The following ZNF385D variants were observed in gnomAD, a reference collection of about 807,000 sequenced individuals.
ZNF385D encodes zinc finger protein 659.
In ZNF385D, 15 loss-of-function variants were observed where a neutral mutation model predicts 35.8. That is an observed-to-expected ratio of 0.42 (90% CI 0.28 to 0.64). The LOEUF (loss-of-function observed/expected upper bound fraction) is 0.64, where lower values mean the gene tolerates loss of function less well. ZNF385D is among the 30% of genes least tolerant of loss of function. The pLI is 0.23. For synonymous variants in ZNF385D, 212 were observed against 186.8 expected, an observed-to-expected ratio of 1.13 and a Z score of -1.10; for missense variants, 474 against 494.6, an observed-to-expected ratio of 0.96 and a Z score of 0.39.
At chr3:22,183,603 G>A (rs925678140) in intron 2 of ZNF385D, among the ~76,000 whole-genome samples, 2 of 151,944 alleles carry the variant, frequency 1.3e-5, no homozygotes, top group Non-Finnish European at 2.9e-5. Flanking sequence ...TGATTCACCC[G>A]CCTCGGCCTC....
intron 3 of ZNF385D, among the ~76,000 whole-genome samples, chr3:21,854,148 A>G (rs1390140064): frequency 2.0e-5 from 3 of 151,912 alleles, no homozygotes; most frequent in Non-Finnish European, 2.9e-5. Flanking sequence ...TAGCATGCAC[A>G]AAAGGGCAGT....
At position 22,028,506 on chromosome 3, in the gene ZNF385D, A is replaced by G. The variant is rs574033858; in HGVS notation, c.325+140311T>C. 1.2e-4 allele frequency among the ~76,000 whole-genome samples: 18 copies of G among 152,290 alleles called. No individual in the cohort carries two copies. In the East Asian group the frequency reaches 3.1e-3, roughly 26 times the overall value. On this transcript the variant is annotated intron_variant, in intron 3 of 5. Coordinates refer to the ZNF385D transcript ENST00000494108. ...CAATATGGCACCATTCCTCGGGGTG[A>G]TCAGCCAGCTACCTGGTGGCAGGTT...
intron 2 of ZNF385D, among the ~76,000 whole-genome samples, chr3:21,636,871 T>C (rs2065466278): frequency 1.3e-5 from 2 of 152,096 alleles, no homozygotes; most frequent in African/African-American, 4.8e-5. Flanking sequence ...GCTTTTTTTA[T>C]GTGTTTTTTG....
At chr3:21,712,274 A>C (rs2068141113) in intron 1 of ZNF385D, among the ~76,000 whole-genome samples, 1 of 152,160 alleles carries the variant, frequency 6.6e-6, no homozygotes, top group Admixed American at 6.6e-5. Flanking sequence ...CTAAGCCATC[A>C]CAGTAGGAAT....
intron 3 of ZNF385D, among the ~76,000 whole-genome samples, chr3:22,064,716 T>C (rs1443366081): frequency 6.6e-6 from 1 of 152,152 alleles, no homozygotes; most frequent in Non-Finnish European, 1.5e-5. Context: ...TGATCTCACG[T>C]ATACATGGAA....
At chr3:22,269,782 T>G (rs373505373) in intron 2 of ZNF385D, among the ~76,000 whole-genome samples, 1 of 151,858 alleles carries the variant, frequency 6.6e-6, no homozygotes, top group Admixed American at 6.6e-5. Context: ...GAATCATTTT[T>G]CTCCACATTC....
intron 3 of ZNF385D, among the ~76,000 whole-genome samples, chr3:22,016,816 T>TA (rs1448510932): frequency 6.6e-6 from 1 of 151,986 alleles, no homozygotes; most frequent in African/African-American, 2.4e-5. Context: ...CATCCATCCT[T>TA]ACAGTTCAAG....
At chr3:22,096,339 T>A (rs960355789) in intron 3 of ZNF385D, among the ~76,000 whole-genome samples, 2 of 144,366 alleles carry the variant, frequency 1.4e-5, no homozygotes, top group African/African-American at 4.9e-5. Context: ...TTTTTTTAAA[T>A]AAATAAATAC....
chr3:21,912,099 G>A (rs1273911804), intron 3 of ZNF385D, among the ~76,000 whole-genome samples: 1 of 151,758 alleles, frequency 6.6e-6, no homozygotes, highest in African/African-American at 2.4e-5. Context: ...GCTTACTTAG[G>A]CTCACTTCAA....
intron 2 of ZNF385D, among the ~76,000 whole-genome samples, chr3:22,332,723 G>A (rs910109168): frequency 6.6e-6 from 1 of 152,078 alleles, no homozygotes; most frequent in Non-Finnish European, 1.5e-5. Flanking sequence ...GAAGCAAGTG[G>A]CTATACAATG....
intron 3 of ZNF385D, among the ~76,000 whole-genome samples, chr3:22,156,398 GCA>G (rs978423152): frequency 3.9e-5 from 6 of 152,024 alleles, no homozygotes; most frequent in African/African-American, 1.4e-4. Context: ...CCCTGCCCCT[GCA>G]CAGATGGATT....
At chr3:22,106,880 A>G (rs901689072) in intron 3 of ZNF385D, among the ~76,000 whole-genome samples, 1 of 152,092 alleles carries the variant, frequency 6.6e-6, no homozygotes, top group Non-Finnish European at 1.5e-5. Flanking sequence ...CTCATTCTTC[A>G]TAAGAGTGGT....
intron 2 of ZNF385D, among the ~76,000 whole-genome samples, chr3:22,355,034 A>C (rs2125502360): frequency 6.6e-6 from 1 of 152,206 alleles, no homozygotes; most frequent in African/African-American, 2.4e-5. Flanking sequence ...AAATTGGATA[A>C]ATTGAAATTA....
intron 2 of ZNF385D, among the ~76,000 whole-genome samples, chr3:22,252,082 G>A (rs920496046): frequency 6.6e-6 from 1 of 152,106 alleles, no homozygotes; most frequent in Non-Finnish European, 1.5e-5. Flanking sequence ...GGAAGGGAGA[G>A]AGGGAGGATG....
rs1700667690 is a variant in ZNF385D, at chr3:21,419,966, A to G, written c.*1248T>C. ...AAGGCTCTCAGTATTTCACAACTCC[A>G]CTGGAGAAATAATTGTCGAGTGGAA... On this transcript the variant is annotated 3_prime_UTR_variant, in exon 8 of 8. Coordinates refer to ENST00000281523, the MANE Select transcript of ZNF385D (RefSeq NM_024697.3). The G allele has an allele frequency of 6.6e-6, 1 of 152,096 alleles. No individual in the cohort carries two copies. The allele number at this position is 152,096 out of a possible 1,614,324, so 9.4% of individuals were successfully genotyped here.
At chr3:21,964,923 T>C (rs9850084) in intron 3 of ZNF385D, among the ~76,000 whole-genome samples, 4,864 of 152,270 alleles carry the variant, frequency 0.032, 266 homozygotes, top group African/African-American at 0.11. Flanking sequence ...CTACTGAACA[T>C]AGGAAGATGC....
intron 3 of ZNF385D, among the ~76,000 whole-genome samples, chr3:21,759,626 A>G (rs569098815): frequency 1.2e-3 from 179 of 152,276 alleles, no homozygotes; most frequent in African/African-American, 4.2e-3. Context: ...GATCTTATAC[A>G]CTTCAGAGGT....
intron 3 of ZNF385D, among the ~76,000 whole-genome samples, chr3:22,100,717 A>T (rs909997647): frequency 6.6e-6 from 1 of 151,310 alleles, no homozygotes; most frequent in Admixed American, 6.6e-5. Context: ...TAGCAATGGG[A>T]GATATACCTA....
chr3:21,869,898 A>C (rs1172172531), intron 3 of ZNF385D, among the ~76,000 whole-genome samples: 1 of 152,096 alleles, frequency 6.6e-6, no homozygotes, highest in Non-Finnish European at 1.5e-5. Context: ...CAAATTAACA[A>C]TAGGGCATTC....
Sources: gnomAD v4.1 joint callset for allele counts (sites outside exome capture counted in the v4.1 genomes callset) on GRCh38, gnomAD v4.1.1 for gene constraint, MANE v1.5 for transcripts, NCBI Gene and HGNC (gene_info 2026-07-23, HGNC 2026-07-21) for gene names.